Variants in MUSK observed in about 807,000 individuals in gnomAD.
MUSK encodes muscle, skeletal receptor tyrosine-protein kinase.
In MUSK, 55 loss-of-function variants were observed where a neutral mutation model predicts 88.7. The ratio of observed to expected loss-of-function variants is 0.62; its 90% CI spans 0.50 to 0.78. The LOEUF (loss-of-function observed/expected upper bound fraction) is 0.78, where lower values mean the gene tolerates loss of function less well. Ranked by LOEUF, MUSK falls within the 30% of genes least tolerant of loss-of-function variation. MUSK has a pLI of 0.00. For synonymous variants in MUSK, 387 were observed against 391.9 expected (o/e 0.99, Z 0.15); for missense variants, 1,015 against 1,074.3 (o/e 0.94, Z 0.77).
intron 4 of MUSK, among the ~76,000 whole-genome samples, chr9:110,696,513 T>C (rs554062905): frequency 1.3e-5 from 2 of 152,202 alleles, no homozygotes; most frequent in South Asian, 4.1e-4. Context: ...TCAGCTTTGC[T>C]TTATTTAAAA....
intron 7 of MUSK, 27 bp downstream of exon 7, chr9:110,747,827 G>C (rs2077195261): frequency 1.2e-6 from 2 of 1,611,316 alleles, no homozygotes; most frequent in African/African-American, 2.7e-5. Context: ...CATTTGCGTT[G>C]TTCCAGGAGA....
At position 110,744,797 on chromosome 9, in the gene MUSK, G is replaced by A. The variant is rs573910194; in HGVS notation, c.754-2844G>A. Among the ~76,000 whole-genome samples, 17 of 152,284 alleles carry A rather than the reference G, an allele frequency of 1.1e-4. No homozygotes were observed. The South Asian group carries it at 3.5e-3, about 32-fold the overall frequency. ...GGTCCATATACCTGAGTGACTTGGA[G>A]AAAATCATGCATTTCCTGTAACTAC... On this transcript the variant is annotated intron_variant, in intron 6 of 14. Coordinates refer to ENST00000374448, the MANE Select transcript of MUSK (RefSeq NM_005592.4).
chr9:110,746,240 GTTAA>G (rs1266378899), intron 6 of MUSK, among the ~76,000 whole-genome samples: 1 of 152,002 alleles, frequency 6.6e-6, no homozygotes, highest in East Asian at 1.9e-4. Flanking sequence ...TATAAGCAGC[GTTAA>G]TTAAAGATTA....
At chr9:110,699,948 C>T (rs2076480659) in intron 5 of MUSK, among the ~76,000 whole-genome samples, 1 of 152,160 alleles carries the variant, frequency 6.6e-6, no homozygotes, top group Non-Finnish European at 1.5e-5. Context: ...CATGTGTTAA[C>T]TAAATCTTTG....
At chr9:110,799,760 AT>A (rs2078063434) in intron 14 of MUSK, among the ~76,000 whole-genome samples, 2 of 152,208 alleles carry the variant, frequency 1.3e-5, no homozygotes, top group South Asian at 4.1e-4. Context: ...TGATTATAAA[AT>A]AGGATGGTAG....
At chr9:110,761,669 G>C (rs1051295384) in intron 7 of MUSK, among the ~76,000 whole-genome samples, 4 of 150,180 alleles carry the variant, frequency 2.7e-5, no homozygotes, top group African/African-American at 9.8e-5. Context: ...CGCCCCCCGG[G>C]GGTTCACGCC....
At position 110,687,120 on chromosome 9, in the gene MUSK, C is replaced by T; in HGVS notation, c.210C>T (p.Leu70=). ...SWTRNKILIK[L]FDTRYSIREN... ...CATTTTTTTCTGTGACCTGCAGACT[C>T]TTTGACACCCGGTACAGCATCCGGG... Residue 70 remains leucine, a synonymous_variant, in exon 3 of 15, where the codon CTC becomes CTT. Coordinates refer to ENST00000374448, the MANE Select transcript of MUSK (RefSeq NM_005592.4). 6.2e-7 allele frequency: 1 copy of T among 1,612,802 alleles called. No homozygotes were observed. Among genetic ancestry groups the T allele is most frequent in the South Asian group, 1.1e-5 (1 of 90,928 alleles).
At chr9:110,675,652 C>G (rs1242435712) in intron 1 of MUSK, among the ~76,000 whole-genome samples, 4 of 143,604 alleles carry the variant, frequency 2.8e-5, no homozygotes, top group African/African-American at 1.0e-4. Flanking sequence ...TCACTGCAAT[C>G]TCCACCTCCT....
chr9:110,760,243 A>G (rs1414668853), intron 7 of MUSK, among the ~76,000 whole-genome samples: 2 of 152,174 alleles, frequency 1.3e-5, no homozygotes, highest in East Asian at 1.9e-4. Context: ...TCAGTCTACC[A>G]TAAAGACACA....
At chr9:110,704,655 T>C (rs1286357750) in intron 5 of MUSK, among the ~76,000 whole-genome samples, 3 of 152,148 alleles carry the variant, frequency 2.0e-5, no homozygotes, top group Non-Finnish European at 4.4e-5. Flanking sequence ...AGAGTACATG[T>C]ATATCGAACT....
At chr9:110,760,563 G>A (rs1244790683) in intron 7 of MUSK, among the ~76,000 whole-genome samples, 1 of 151,960 alleles carries the variant, frequency 6.6e-6, no homozygotes, top group African/African-American at 2.4e-5. Flanking sequence ...TCTACCTGAG[G>A]GTAGAGGGTT....
intron 5 of MUSK, among the ~76,000 whole-genome samples, chr9:110,699,716 G>A (rs1018040277): frequency 5.3e-5 from 8 of 152,144 alleles, no homozygotes; most frequent in African/African-American, 1.7e-4. Flanking sequence ...GAGGACTGAA[G>A]ATGATGAGGC....
At chr9:110,785,969 A>G (rs2077852085) in intron 13 of MUSK, among the ~76,000 whole-genome samples, 1 of 149,042 alleles carries the variant, frequency 6.7e-6, no homozygotes, top group African/African-American at 2.4e-5. Context: ...ACAATATTAT[A>G]TATGTATTAT....
chr9:110,764,579 A>C (rs1393024025), intron 8 of MUSK, among the ~76,000 whole-genome samples: 1 of 150,268 alleles, frequency 6.7e-6, no homozygotes, highest in East Asian at 1.9e-4. Context: ...GATATATATA[A>C]ATTTAGATAG....
intron 6 of MUSK, among the ~76,000 whole-genome samples, chr9:110,743,263 T>C (rs937903383): frequency 6.6e-6 from 1 of 152,126 alleles, no homozygotes; most frequent in African/African-American, 2.4e-5. Context: ...CAGCAACGTG[T>C]CCCAAAGTGA....
intron 7 of MUSK, among the ~76,000 whole-genome samples, chr9:110,760,854 T>C (rs1178974446): frequency 6.6e-6 from 1 of 152,174 alleles, no homozygotes; most frequent in Non-Finnish European, 1.5e-5. Context: ...TGATTAGAAA[T>C]ACAAGCTCAT....
At chr9:110,766,119 G>A (rs1202661918) in intron 8 of MUSK, among the ~76,000 whole-genome samples, 1 of 152,072 alleles carries the variant, frequency 6.6e-6, no homozygotes, top group East Asian at 1.9e-4. Flanking sequence ...GCTGGGGGTG[G>A]GTAGAGTAAA....
intron 14 of MUSK, among the ~76,000 whole-genome samples, chr9:110,799,863 T>A (rs779592056): frequency 3.3e-5 from 5 of 152,106 alleles, no homozygotes; most frequent in Non-Finnish European, 7.4e-5. Context: ...AAACTGAATC[T>A]TAAAGGCAAA....
chr9:110,798,089 A>AT (rs1194774869), intron 14 of MUSK, among the ~76,000 whole-genome samples: 2 of 152,272 alleles, frequency 1.3e-5, no homozygotes, highest in East Asian at 1.9e-4. Context: ...CACAGGTTCT[A>AT]TTTTTTATCA....
Sources: gnomAD v4.1 joint callset for allele counts (sites outside exome capture counted in the v4.1 genomes callset) on GRCh38, gnomAD v4.1.1 for gene constraint, MANE v1.5 for transcripts, NCBI Gene and HGNC (gene_info 2026-07-23, HGNC 2026-07-21) for gene names.